STAM: variants seen among roughly 807,000 people sequenced by gnomAD.
STAM encodes signal transducing adapter molecule 1.
STAM carries 16 observed loss-of-function variants against 63.4 expected under a neutral mutation model. The ratio of observed to expected loss-of-function variants is 0.25; its 90% CI spans 0.17 to 0.38. The LOEUF (loss-of-function observed/expected upper bound fraction) is 0.38. Among genes scored for constraint, STAM ranks in the 10% least tolerant of loss-of-function variants. The pLI is 1.00. For synonymous variants in STAM, 238 were observed against 223.9 expected (o/e 1.06, Z -0.56); for missense variants, 636 against 657.1 (o/e 0.97, Z 0.35).
chr10:17,659,463 CTTTTTTTT>C (rs1223509007), intron 1 of STAM, among the ~76,000 whole-genome samples: 2 of 107,522 alleles, frequency 1.9e-5, no homozygotes, highest in South Asian at 6.3e-4. Context: ...TTCTCTTCCT[CTTTTTTTT>C]TTTTTTTTTT....
At chr10:17,706,178 T>A (rs1450302922) in intron 12 of STAM, among the ~76,000 whole-genome samples, 1 of 152,114 alleles carries the variant, frequency 6.6e-6, no homozygotes, top group Admixed American at 6.5e-5. Flanking sequence ...TTAACGGAAT[T>A]TTTTTACTTG....
At chr10:17,665,467 TC>T (rs1190065453) in intron 2 of STAM, among the ~76,000 whole-genome samples, 3 of 152,230 alleles carry the variant, frequency 2.0e-5, no homozygotes, top group East Asian at 1.9e-4. Flanking sequence ...GAATACATTT[TC>T]CCCCCATTTA....
chr10:17,671,927 T>G (rs1259280847), intron 2 of STAM, among the ~76,000 whole-genome samples: 1 of 152,198 alleles, frequency 6.6e-6, no homozygotes, highest in African/African-American at 2.4e-5. Context: ...AATTTAAATT[T>G]ACTGTCTTTT....
At chr10:17,685,606 A>G (rs1025198300) in intron 4 of STAM, among the ~76,000 whole-genome samples, 1 of 152,204 alleles carries the variant, frequency 6.6e-6, no homozygotes, top group East Asian at 1.9e-4. Context: ...CTGTGTGTTT[A>G]GCAACATACT....
intron 2 of STAM, among the ~76,000 whole-genome samples, chr10:17,661,830 C>G (rs1293814822): frequency 6.6e-6 from 1 of 152,150 alleles, no homozygotes; most frequent in Non-Finnish European, 1.5e-5. Context: ...TGTATACCCT[C>G]CACTCTAGCT....
rs78161203 is a variant in STAM, at chr10:17,647,105, T to C, written c.40+2726T>C. On this transcript the variant is annotated intron_variant, in intron 1 of 13. Transcript: ENST00000377524. ...TGTGAGGACAGGGATTTTTGTTTGA[T>C]TTTTTCACTGCCGTATCCCTAGCTG... Among the ~76,000 whole-genome samples the C allele has an allele frequency of 4.8e-3, 729 of 152,294 alleles. 8 individuals are homozygous for C. The highest frequency in any genetic ancestry group is 0.016 in the African/African-American group (682 of 41,550).
At chr10:17,700,999 A>G (rs1360829260) in intron 9 of STAM, among the ~76,000 whole-genome samples, 1 of 152,206 alleles carries the variant, frequency 6.6e-6, no homozygotes, top group African/African-American at 2.4e-5. Flanking sequence ...CTAATTTTAT[A>G]TTAAATGTCT....
intron 5 of STAM, among the ~76,000 whole-genome samples, chr10:17,691,015 G>A (rs2688789): frequency 0.44 from 66,980 of 152,020 alleles, 15,065 homozygotes; most frequent in Admixed American, 0.52. Flanking sequence ...GTTCAAATCT[G>A]TCTAATTGTG....
intron 1 of STAM, among the ~76,000 whole-genome samples, chr10:17,647,565 G>T (rs567266008): frequency 1.3e-5 from 2 of 152,082 alleles, no homozygotes; most frequent in East Asian, 3.9e-4. Flanking sequence ...ATTCAGACTG[G>T]GGCCACACTG....
chr10:17,696,550 G>A (rs1266601275), intron 7 of STAM: 2 of 444,644 alleles, frequency 4.5e-6, no homozygotes. Flanking sequence ...TAACTGCAGA[G>A]CATGCATTGG....
intron 2 of STAM, among the ~76,000 whole-genome samples, chr10:17,683,628 A>G (rs1334894374): frequency 6.6e-6 from 1 of 151,688 alleles, no homozygotes; most frequent in Non-Finnish European, 1.5e-5. Context: ...TTAATTTTAC[A>G]TATTTTTTTG....
chr10:17,695,288 T>C (rs1554827356), intron 7 of STAM, 47 bp downstream of exon 7: 3 of 1,538,408 alleles, frequency 2.0e-6, no homozygotes, highest in East Asian at 2.3e-5. Context: ...TGTGTATGGC[T>C]TCTGTGTTTC....
rs1029913365 is a variant in STAM, at chr10:17,660,531, T to C, written c.108T>C (p.Val36=). The change falls in exon 2 of 14, where the codon GTT becomes GTC. Residue 36 remains valine (V), a synonymous_variant. Transcript: ENST00000377524. The part of the protein sequence containing the change: ...WGLILDICDK[V]GQSRTGPKDC... ...TCATTTTGGATATCTGTGATAAAGTTGGTCAGTCTCGCACTGGGTAAGTAT... is the reference window on the plus strand; with the variant it reads ...TCATTTTGGATATCTGTGATAAAGTCGGTCAGTCTCGCACTGGGTAAGTAT... 6.2e-7 allele frequency: 1 copy of C among 1,605,390 alleles called. No homozygotes were observed. The highest frequency in any genetic ancestry group is 8.5e-7 in the Non-Finnish European group (1 of 1,175,872).
At chr10:17,675,378 C>A (rs1834805728) in intron 2 of STAM, among the ~76,000 whole-genome samples, 2 of 151,956 alleles carry the variant, frequency 1.3e-5, no homozygotes, top group African/African-American at 4.8e-5. Flanking sequence ...GTAGTGCCTG[C>A]CTGTTATCTC....
chr10:17,696,806 C>G lies in STAM; in HGVS notation c.760C>G (p.Gln254Glu). The stretch of plus-strand genomic sequence containing the variant: ...TAACTGGTGGAAAGGTGAAACCCAT[C>G]AAGGCATAGGGTTATTTCCTTCTAA... ...DPNWWKGETH[Q>E]GIGLFPSNFV... is the part of the protein sequence containing the mutation. The change falls in exon 8 of 14, where the codon CAA becomes GAA. Residue 254 changes from glutamine to glutamate, a missense_variant. Physicochemically the swap from Gln to Glu is conservative, Grantham distance 29. Transcript: ENST00000377524. 1.2e-6 allele frequency: 2 copies of G among 1,613,902 alleles called. No homozygotes were observed. The highest frequency in any genetic ancestry group is 1.1e-5 in the South Asian group (1 of 91,066).
rs781906579 is a variant in STAM at position 17,657,997 on chromosome 10, T to A, written c.41-2467T>A. Among the ~76,000 whole-genome samples, 6 of 152,180 alleles carry A rather than the reference T, an allele frequency of 3.9e-5. No individual in the cohort carries two copies. The South Asian group carries it at 1.2e-3, about 32-fold the overall frequency. ...CTGCTCTAATTTTTGTTGTTTGTTT[T>A]CTTCTGCTTGCTTAGTTTGGATTTA... On this transcript the variant is annotated intron_variant, in intron 1 of 13. Coordinates refer to ENST00000377524, the MANE Select transcript of STAM (RefSeq NM_003473.4).
intron 1 of STAM, among the ~76,000 whole-genome samples, chr10:17,646,934 T>C (rs1833542849): frequency 6.6e-6 from 1 of 152,256 alleles, no homozygotes; most frequent in African/African-American, 2.4e-5. Context: ...TCTTCAAAAT[T>C]AATTGTCTTC....
intron 2 of STAM, among the ~76,000 whole-genome samples, chr10:17,662,849 T>C (rs1458497375): frequency 2.0e-5 from 3 of 152,242 alleles, no homozygotes; most frequent in Non-Finnish European, 4.4e-5. Flanking sequence ...CTGCTTTTGA[T>C]TGAAGTCATA....
Position 17,714,709 on chromosome 10 carries a change from C to G in STAM, c.1552C>G (p.Leu518Val), listed in dbSNP as rs142947051. Residue 518 changes from leucine (L) to valine (V), a missense_variant, in exon 14 of 14, where the codon CTG becomes GTG. Leu to Val is a conservative substitution (Grantham distance 32, BLOSUM62 1). Coordinates refer to ENST00000377524, the MANE Select transcript of STAM (RefSeq NM_003473.4). ...AAACTATAACTTAACATCATCAACT[C>G]TGCCTCAGCCCGGAGGCAGCCAACA... ...VPNYNLTSST[L>V]PQPGGSQQPP... 2.7e-4 allele frequency: 435 copies of G among 1,614,142 alleles called. No homozygotes were observed. In the African/African-American group the frequency reaches 5.3e-3, roughly 20 times the overall value.
Sources: allele counts gnomAD v4.1 joint callset (sites outside exome capture counted in the v4.1 genomes callset), GRCh38; gene constraint gnomAD v4.1.1; transcripts MANE v1.5; gene names NCBI Gene and HGNC (gene_info 2026-07-23, HGNC 2026-07-21).